ANKRD50: variants seen among roughly 807,000 people sequenced by gnomAD.
ANKRD50 encodes the protein ankyrin repeat domain-containing protein 50.
ANKRD50 carries 40 observed loss-of-function variants against 112.0 expected under a neutral mutation model. That is an observed-to-expected ratio of 0.36 (90% confidence interval 0.28 to 0.46). The LOEUF is 0.46. Among genes scored for constraint, ANKRD50 ranks in the 20% least tolerant of loss-of-function variants. ANKRD50 has a pLI of 1.00. For missense variants in ANKRD50, 1,487 were observed against 1,701.7 expected (o/e 0.87, Z 2.22); for synonymous variants, 613 against 619.1 (o/e 0.99, Z 0.15).
Position 124,671,439 on chromosome 4 carries a change from G to T in ANKRD50, c.1838C>A (p.Thr613Lys). 6.2e-7 allele frequency: 1 copy of T among 1,613,748 alleles called. No individual in the cohort carries two copies. The highest frequency in any genetic ancestry group is 8.5e-7 in the Non-Finnish European group (1 of 1,179,838). Reference sequence around the variant, plus strand: ...ACCCCAAGCAGCAGATCTTAATGCTGTCCAACCATCTTGATCAGTATGATT... The same window carrying T: ...ACCCCAAGCAGCAGATCTTAATGCTTTCCAACCATCTTGATCAGTATGATT... ...NINHTDQDGWTALRSAAWGGH... is the reference protein window; with the variant it reads ...NINHTDQDGWKALRSAAWGGH... The change falls in exon 4 of 5, where the codon ACA becomes AAA. Residue 613 changes from threonine (T) to lysine (K), a missense_variant. Transcript: ENST00000504087.
chr4:124,693,501 C>T (rs186949640), intron 2 of ANKRD50, among the ~76,000 whole-genome samples: 142 of 152,186 alleles, frequency 9.3e-4, no homozygotes, highest in Non-Finnish European at 1.7e-3. Flanking sequence ...TAATTACCTG[C>T]GATGTATCAG....
intron 2 of ANKRD50, among the ~76,000 whole-genome samples, chr4:124,691,722 A>G (rs1725143999): frequency 6.6e-6 from 1 of 152,138 alleles, no homozygotes; most frequent in Non-Finnish European, 1.5e-5. Flanking sequence ...AGTCTCCTAC[A>G]AACAGTGCAA....
chr4:124,706,801 T>A (rs918475516), intron 2 of ANKRD50, among the ~76,000 whole-genome samples: 1 of 152,090 alleles, frequency 6.6e-6, no homozygotes, highest in African/African-American at 2.4e-5. Flanking sequence ...TACCCTACCT[T>A]AAGCATGCTC....
rs757752297 is a variant in ANKRD50, at chr4:124,670,233, G to A, written c.3044C>T (p.Ala1015Val). The A allele has an allele frequency of 1.2e-6, 2 of 1,613,830 alleles. No homozygotes were observed. The highest frequency in any genetic ancestry group is 2.2e-5 in the South Asian group (2 of 91,074). ...VNAADNEKRS[A>V]LQSAAWQGHV... The stretch of plus-strand genomic sequence containing the variant: ...GCCCTGCCAGGCTGCAGACTGCAAA[G>A]CAGAGCGCTTTTCATTGTCTGCAGC... The change falls in exon 4 of 5, where the codon GCT becomes GTT. Residue 1015 changes from alanine to valine, a missense_variant. Coordinates refer to ENST00000504087, the MANE Select transcript of ANKRD50 (RefSeq NM_020337.3).
chr4:124,711,399 C>G (rs1725627077), intron 1 of ANKRD50, 125 bp from the exon 2 acceptor site: 1 of 152,192 alleles, frequency 6.6e-6, no homozygotes, highest in African/African-American at 2.4e-5. Flanking sequence ...TCACCTTTGG[C>G]ACTTTCAAAA....
At chr4:124,708,410 G>A (rs114237382) in intron 2 of ANKRD50, among the ~76,000 whole-genome samples, 4,404 of 152,050 alleles carry the variant, frequency 0.029, 99 homozygotes, top group Middle Eastern at 0.071. Flanking sequence ...TAGTTTTATT[G>A]GACTAAATTT....
At chr4:124,709,644 C>A (rs1195910997) in intron 2 of ANKRD50, among the ~76,000 whole-genome samples, 1 of 151,888 alleles carries the variant, frequency 6.6e-6, no homozygotes, top group Non-Finnish European at 1.5e-5. Context: ...CTGATAATTA[C>A]TCTAAGTTCA....
intron 2 of ANKRD50, among the ~76,000 whole-genome samples, chr4:124,695,126 T>C (rs1383701370): frequency 6.6e-6 from 1 of 152,170 alleles, no homozygotes; most frequent in East Asian, 1.9e-4. Context: ...AGATAAAATG[T>C]AGTAGGTGGC....
Position 124,672,542 on chromosome 4 carries a change from A to G in ANKRD50, c.743-8T>C. The G allele has an allele frequency of 1.3e-6, 2 of 1,553,958 alleles. No individual in the cohort carries two copies. The highest frequency in any genetic ancestry group is 1.7e-6 in the Non-Finnish European group (2 of 1,150,766). ...AACTTATTTTTCGAAAACCTAAAGA[A>G]GAGATAAAAAAGTAGATGTAATCAG... On this transcript the variant is annotated splice_region_variant and splice_polypyrimidine_tract_variant and intron_variant, in intron 3 of 4. Transcript: ENST00000504087.
Position 124,675,936 on chromosome 4 carries a change from A to G in ANKRD50, c.742+2740T>C, listed in dbSNP as rs538895385. ...GTCAGTATAGTGAATACATCAGAAA[A>G]GTTATAAAAACTGTCTTTCCAAAGG... On this transcript the variant is annotated intron_variant, in intron 3 of 4. Transcript: ENST00000504087. Among the ~76,000 whole-genome samples the G allele has an allele frequency of 6.6e-5, 10 of 151,884 alleles. No homozygotes were observed. The East Asian group carries it at 1.9e-3, about 29-fold the overall frequency.
Position 124,671,958 on chromosome 4 carries a change from T to A in ANKRD50, c.1319A>T (p.Tyr440Phe), listed in dbSNP as rs766399212. Residue 440 changes from tyrosine (Y) to phenylalanine (F), a missense_variant, in exon 4 of 5, where the codon TAT (tyrosine) becomes TTT (phenylalanine). By Grantham distance (22) the Tyr-to-Phe change is conservative. Transcript: ENST00000504087. ...AEGHRMLAMS[Y>F]TCQAKNLTPL... ...TGTTAAATTCTTGGCTTGACAGGTA[T>A]AACTCATAGCCAACATTCTGTGTCC... 2.5e-6 allele frequency: 4 copies of A among 1,613,920 alleles called. No individual in the cohort carries two copies. The highest frequency in any genetic ancestry group is 3.4e-6 in the Non-Finnish European group (4 of 1,179,884).
chr4:124,678,352 T>C (rs1724791582), intron 3 of ANKRD50, among the ~76,000 whole-genome samples: 1 of 152,060 alleles, frequency 6.6e-6, no homozygotes, highest in Non-Finnish European at 1.5e-5. Flanking sequence ...ACATAGACTG[T>C]AATCTCAAAC....
In ANKRD50 at chr4:124,670,868, C is replaced by G; in HGVS notation, c.2409G>C (p.Trp803Cys). The part of the protein sequence containing the change: ...HASVVNTLLF[W>C]GAAVDSIDSE... The stretch of plus-strand genomic sequence containing the variant: ...TATCAATACTATCCACAGCTGCACC[C>G]CAAAACAAAAGTGTATTTACAACTG... The change falls in exon 4 of 5, where the codon TGG becomes TGC. Residue 803 changes from tryptophan (W) to cysteine (C), a missense_variant. Trp to Cys is a radical substitution (Grantham distance 215). Transcript: ENST00000504087. 1 of 1,613,852 alleles carries G rather than the reference C, an allele frequency of 6.2e-7. No individual in the cohort carries two copies. The highest frequency in any genetic ancestry group is 8.5e-7 in the Non-Finnish European group (1 of 1,179,880).
At position 124,665,724 on chromosome 4, in the gene ANKRD50, GTTA is replaced by G. The variant is rs1357747732; in HGVS notation, c.*1791_*1793del. On this transcript the variant is annotated 3_prime_UTR_variant, in exon 5 of 5. Coordinates refer to ENST00000504087, the MANE Select transcript of ANKRD50 (RefSeq NM_020337.3). ...CAATACTTGAAACATTCACATTTGA[GTTA>G]TTAATATTGCCATGTCACCTTAATA... 4 of 152,198 alleles carry G rather than the reference GTTA, an allele frequency of 2.6e-5. No individual in the cohort carries two copies. The highest frequency in any genetic ancestry group is 5.9e-5 in the Non-Finnish European group (4 of 67,856). The allele number at this position is 152,198 out of a possible 1,614,324, so 9.4% of individuals were successfully genotyped here.
rs897809643 is a variant in ANKRD50, at chr4:124,667,379, T to C, written c.*139A>G. The C allele has an allele frequency of 6.6e-6, 1 of 152,078 alleles. No individual in the cohort carries two copies. The highest frequency in any genetic ancestry group is 1.5e-5 in the Non-Finnish European group (1 of 67,956). The allele number at this position is 152,078 out of a possible 1,614,324, so 9.4% of individuals were successfully genotyped here. A position where few individuals can be genotyped will look rare whatever the true frequency, so the allele number is the denominator to read the frequency against. ...GCCTTACTATTTAGGCACATTACAG[T>C]AATTAAGGTAACTGTACTGCAGAGA... On this transcript the variant is annotated 3_prime_UTR_variant, in exon 5 of 5. Transcript: ENST00000504087.
intron 2 of ANKRD50, among the ~76,000 whole-genome samples, chr4:124,689,437 G>A (rs1725082226): frequency 6.6e-6 from 1 of 152,166 alleles, no homozygotes; most frequent in Non-Finnish European, 1.5e-5. Context: ...ATTAATGCAG[G>A]TATGTCTGTG....
intron 2 of ANKRD50, among the ~76,000 whole-genome samples, chr4:124,700,781 A>G (rs1725372144): frequency 6.6e-6 from 1 of 152,170 alleles, no homozygotes; most frequent in Non-Finnish European, 1.5e-5. Context: ...GTTGGGTCCC[A>G]TCTGCTCCAT....
chr4:124,674,284 T>C (rs1172998502), intron 3 of ANKRD50, among the ~76,000 whole-genome samples: 3 of 151,962 alleles, frequency 2.0e-5, no homozygotes, highest in Admixed American at 1.3e-4. Flanking sequence ...ACATGAAAGA[T>C]AATACATTAT....
chr4:124,698,602 CA>C (rs1725309798), intron 2 of ANKRD50, among the ~76,000 whole-genome samples: 1 of 151,828 alleles, frequency 6.6e-6, no homozygotes, highest in Non-Finnish European at 1.5e-5. Flanking sequence ...GAGAACTTTC[CA>C]AGGGGTCTGT....
Sources: gnomAD v4.1 joint callset for allele counts (sites outside exome capture counted in the v4.1 genomes callset) on GRCh38, gnomAD v4.1.1 for gene constraint, MANE v1.5 for transcripts, NCBI Gene and HGNC (gene_info 2026-07-23, HGNC 2026-07-21) for gene names.